The following SLC5A4 variants were observed in gnomAD, a reference collection of about 807,000 sequenced individuals.
The protein encoded by SLC5A4 is solute carrier family 5 member 4.
SLC5A4 carries 55 observed loss-of-function variants against 70.3 expected under a neutral mutation model. That is an observed-to-expected ratio of 0.78 (90% CI 0.63 to 0.98). SLC5A4 has a LOEUF of 0.98. SLC5A4 is among the 50% of genes least tolerant of loss of function. The pLI is 0.00. For missense variants in SLC5A4, 735 were observed against 839.2 expected (o/e 0.88, Z 1.53); for synonymous variants, 268 against 305.7 (o/e 0.88, Z 1.29).
the SLC5A4 span, among the ~76,000 whole-genome samples, chr22:32,324,242 T>C: frequency 6.9e-6 from 1 of 145,250 alleles, no homozygotes. Flanking sequence ...TATACATATG[T>C]ATGTGTATAT....
chr22:32,272,978 C>T, the SLC5A4 span: 2 of 540,384 alleles, frequency 3.7e-6, no homozygotes, highest in Non-Finnish European at 7.3e-6. Flanking sequence ...CTGCAAGCTG[C>T]ACGGGGAGCT....
chr22:32,275,429 C>T, the SLC5A4 span, among the ~76,000 whole-genome samples: 1 of 152,244 alleles, frequency 6.6e-6, no homozygotes, highest in Admixed American at 6.5e-5. Context: ...CATGTGTTCT[C>T]ATTGTTTAAT....
chr22:32,306,389 C>A, the SLC5A4 span, among the ~76,000 whole-genome samples: 4 of 151,558 alleles, frequency 2.6e-5, no homozygotes, highest in Non-Finnish European at 5.9e-5. Context: ...TGGCGTGAAC[C>A]TGGGAGGCGG....
At chr22:32,333,355 T>C in the SLC5A4 span, among the ~76,000 whole-genome samples, 1 of 152,122 alleles carries the variant, frequency 6.6e-6, no homozygotes, top group African/African-American at 2.4e-5. Context: ...AGTGAGGTTT[T>C]GAGGAATGAG....
the SLC5A4 span, among the ~76,000 whole-genome samples, chr22:32,300,450 G>C: frequency 6.6e-6 from 1 of 152,258 alleles, no homozygotes; most frequent in East Asian, 1.9e-4. Context: ...CCCTTTCTTT[G>C]ACTCAGAAAG....
chr22:32,241,353 G>C (rs1926496013), intron 5 of SLC5A4, among the ~76,000 whole-genome samples: 1 of 152,204 alleles, frequency 6.6e-6, no homozygotes, highest in African/African-American at 2.4e-5. Context: ...TTTCAGAACA[G>C]GGACCTACAC....
chr22:32,252,501 T>C (rs780442633), intron 2 of SLC5A4, among the ~76,000 whole-genome samples: 2 of 152,380 alleles, frequency 1.3e-5, no homozygotes, highest in South Asian at 4.1e-4. Context: ...GCCGTGCTCA[T>C]TGGTTTTCCA....
At chr22:32,272,713 C>T in the SLC5A4 span, 4 of 511,392 alleles carry the variant, frequency 7.8e-6, no homozygotes, top group Non-Finnish European at 1.5e-5. Flanking sequence ...CATGTGGGTG[C>T]CCACATGAAC....
the SLC5A4 span, among the ~76,000 whole-genome samples, chr22:32,347,329 A>T: frequency 6.6e-6 from 1 of 152,150 alleles, no homozygotes; most frequent in East Asian, 1.9e-4. Flanking sequence ...TAGAAATACC[A>T]TTTGACCCAG....
chr22:32,329,356 G>C, the SLC5A4 span, among the ~76,000 whole-genome samples: 1 of 152,210 alleles, frequency 6.6e-6, no homozygotes, highest in Admixed American at 6.5e-5. Context: ...TTGGCACACA[G>C]AAAACACTCA....
At chr22:32,333,763 C>T in the SLC5A4 span, among the ~76,000 whole-genome samples, 12 of 151,522 alleles carry the variant, frequency 7.9e-5, no homozygotes, top group Non-Finnish European at 4.4e-5. Context: ...CACACAGACA[C>T]CCACAATACA....
chr22:32,345,434 C>G, the SLC5A4 span, among the ~76,000 whole-genome samples: 1 of 152,118 alleles, frequency 6.6e-6, no homozygotes, highest in African/African-American at 2.4e-5. Flanking sequence ...CCTTTCTGTT[C>G]AATTGATTTC....
the SLC5A4 span, chr22:32,276,622 TTATAA>T: frequency 1.3e-5 from 2 of 152,176 alleles, no homozygotes; most frequent in Non-Finnish European, 2.9e-5. Flanking sequence ...TATTTCTATA[TTATAA>T]TATAACTACA....
chr22:32,325,742 G>C, the SLC5A4 span, among the ~76,000 whole-genome samples: 1 of 152,254 alleles, frequency 6.6e-6, no homozygotes, highest in Non-Finnish European at 1.5e-5. Context: ...AGCAGCCTCA[G>C]GGGTGGGGAC....
At chr22:32,225,908 G>A in intron 11 of SLC5A4, 85 bp from the exon 12 acceptor site, 15 of 915,044 alleles carry the variant, frequency 1.6e-5, no homozygotes, top group Non-Finnish European at 2.4e-5. Flanking sequence ...GTTCATTCTT[G>A]TTGTCACTCA....
chr22:32,247,561 C>G, intron 4 of SLC5A4, 46 bp from the exon 5 acceptor site: 1 of 1,233,044 alleles, frequency 8.1e-7, no homozygotes, highest in Non-Finnish European at 1.2e-6. Flanking sequence ...CCTTAGGGCC[C>G]TGTGCGTTCA....
the SLC5A4 span, among the ~76,000 whole-genome samples, chr22:32,294,222 G>A: frequency 6.6e-6 from 1 of 152,130 alleles, no homozygotes; most frequent in Non-Finnish European, 1.5e-5. Flanking sequence ...TGACTGCTAA[G>A]TACTTTTCTG....
chr22:32,346,040 C>T, the SLC5A4 span, among the ~76,000 whole-genome samples: 1 of 152,122 alleles, frequency 6.6e-6, no homozygotes, highest in Non-Finnish European at 1.5e-5. Flanking sequence ...AAACTCCCTC[C>T]AATACAGATC....
the SLC5A4 span, among the ~76,000 whole-genome samples, chr22:32,339,347 GGC>G: frequency 6.6e-6 from 1 of 152,132 alleles, no homozygotes; most frequent in South Asian, 2.1e-4. Context: ...ACAACCTAAA[GGC>G]TACTTGTGTC....
Sources: gnomAD v4.1 joint callset for allele counts (sites outside exome capture counted in the v4.1 genomes callset) on GRCh38, gnomAD v4.1.1 for gene constraint, MANE v1.5 for transcripts, NCBI Gene and HGNC (gene_info 2026-07-23, HGNC 2026-07-21) for gene names.